The following ZNF322 variants were observed in gnomAD, a reference collection of about 807,000 sequenced individuals.
ZNF322 encodes the protein HLA complex group 12.
ZNF322 carries 1 observed loss-of-function variant against 18.3 expected under a neutral mutation model. The ratio of observed to expected loss-of-function variants is 0.05; its 90% CI spans 0.02 to 0.26. The LOEUF is 0.26. Ranked by LOEUF, ZNF322 falls within the 10% of genes least tolerant of loss-of-function variation. ZNF322 has a pLI of 1.00. For synonymous variants in ZNF322, 17 were observed against 130.7 expected, an observed-to-expected ratio of 0.13 and a Z score of 5.93; for missense variants, 36 against 403.6, an observed-to-expected ratio of 0.09 and a Z score of 7.80.
chr6:26,643,812 G>C (rs932062629), intron 2 of ZNF322, 84 bp from the exon 3 acceptor site: 1 of 152,380 alleles, frequency 6.6e-6, no homozygotes, highest in African/African-American at 2.4e-5. Flanking sequence ...ATTTAACAAT[G>C]GGTAAACTAC....
At chr6:26,657,573 C>T (rs1229882021) in intron 2 of ZNF322, among the ~76,000 whole-genome samples, 1 of 152,160 alleles carries the variant, frequency 6.6e-6, no homozygotes, top group African/African-American at 2.4e-5. Context: ...CACCATTCAA[C>T]TTTATGGTAT....
chr6:26,655,652 A>G (rs905578382), intron 2 of ZNF322, among the ~76,000 whole-genome samples: 2 of 152,186 alleles, frequency 1.3e-5, no homozygotes, highest in Non-Finnish European at 2.9e-5. Flanking sequence ...TGCATTGGAA[A>G]CTTCATCCCC....
chr6:26,650,466 T>C (rs1765648335), intron 2 of ZNF322: 1 of 152,128 alleles, frequency 6.6e-6, no homozygotes, highest in Non-Finnish European at 1.5e-5. Context: ...GAAAAGGAAA[T>C]AAAAGGTATA....
chr6:26,649,675 GTATA>G (rs71544293), intron 2 of ZNF322, among the ~76,000 whole-genome samples: 3 of 22,954 alleles, frequency 1.3e-4, no homozygotes, highest in African/African-American at 6.5e-4. Flanking sequence ...GTGTGTGTGT[GTATA>G]TATATATATA....
intron 2 of ZNF322, among the ~76,000 whole-genome samples, chr6:26,655,815 C>G (rs1561926908): frequency 6.6e-6 from 1 of 152,202 alleles, no homozygotes; most frequent in Non-Finnish European, 1.5e-5. Flanking sequence ...CTCTCACCCT[C>G]TCTTTGCCCT....
intron 3 of ZNF322, among the ~76,000 whole-genome samples, chr6:26,643,171 T>G (rs1765495461): frequency 6.6e-6 from 1 of 152,244 alleles, no homozygotes; most frequent in Non-Finnish European, 1.5e-5. Flanking sequence ...TTAGGGCCTT[T>G]GCCCTTTCTT....
At chr6:26,649,695 A>T (rs1389336326) in intron 2 of ZNF322, among the ~76,000 whole-genome samples, 572 of 51,828 alleles carry the variant, frequency 0.011, 121 homozygotes, top group Middle Eastern at 0.031. Context: ...ATATATATAT[A>T]TATATATTTT....
chr6:26,656,435 A>C (rs782453768), intron 2 of ZNF322, among the ~76,000 whole-genome samples: 25 of 152,198 alleles, frequency 1.6e-4, no homozygotes, highest in Non-Finnish European at 3.1e-4. Context: ...AACCACTAAC[A>C]TGTATTAAGC....
At chr6:26,645,473 G>T (rs7449615) in intron 2 of ZNF322, among the ~76,000 whole-genome samples, 3 of 147,328 alleles carry the variant, frequency 2.0e-5, no homozygotes, top group African/African-American at 7.5e-5. Context: ...AGTATGTATA[G>T]AAAAAAAAAA....
intron 2 of ZNF322, among the ~76,000 whole-genome samples, chr6:26,653,811 A>C (rs1554149454): frequency 6.6e-6 from 1 of 152,180 alleles, no homozygotes; most frequent in Non-Finnish European, 1.5e-5. Context: ...ATATGAATAC[A>C]CAGCACACAT....
intron 2 of ZNF322, among the ~76,000 whole-genome samples, chr6:26,655,084 A>G (rs1765744573): frequency 6.6e-6 from 1 of 152,188 alleles, no homozygotes; most frequent in African/African-American, 2.4e-5. Context: ...CTACCAAATA[A>G]ATGGCCTAAA....
At chr6:26,653,026 A>T (rs889334854) in intron 2 of ZNF322, among the ~76,000 whole-genome samples, 1 of 152,226 alleles carries the variant, frequency 6.6e-6, no homozygotes, top group East Asian at 1.9e-4. Flanking sequence ...ACCAGTTCTC[A>T]CCAATTAAAT....
chr6:26,651,262 A>AG (rs1765663956), intron 2 of ZNF322: 1 of 151,998 alleles, frequency 6.6e-6, no homozygotes, highest in Non-Finnish European at 1.5e-5. Flanking sequence ...AAAAAAAAAA[A>AG]AGAATAAAAT....
chr6:26,652,330 C>G (rs1290362972), intron 2 of ZNF322, among the ~76,000 whole-genome samples: 1 of 152,102 alleles, frequency 6.6e-6, no homozygotes, highest in African/African-American at 2.4e-5. Flanking sequence ...TTAAAAATCT[C>G]CAAAATATAC....
At chr6:26,648,416 C>A (rs1352166943) in intron 2 of ZNF322, among the ~76,000 whole-genome samples, 1 of 152,140 alleles carries the variant, frequency 6.6e-6, no homozygotes, top group Admixed American at 6.5e-5. Flanking sequence ...ATGGCCAATA[C>A]TTCTCTTTTC....
chr6:26,650,858 T>C (rs1203392985), intron 2 of ZNF322, among the ~76,000 whole-genome samples: 3 of 152,222 alleles, frequency 2.0e-5, no homozygotes, highest in Non-Finnish European at 4.4e-5. Flanking sequence ...TAGTCAGTTC[T>C]TCCCAACTTG....
intron 2 of ZNF322, among the ~76,000 whole-genome samples, chr6:26,648,787 A>T (rs927110071): frequency 6.6e-6 from 1 of 152,230 alleles, no homozygotes; most frequent in Non-Finnish European, 1.5e-5. Context: ...CCAAAAATAG[A>T]CTCGAATAAA....
intron 2 of ZNF322, 90 bp from the exon 3 acceptor site, chr6:26,643,818 A>G (rs1554148497): frequency 6.6e-6 from 1 of 152,356 alleles, no homozygotes; most frequent in Non-Finnish European, 1.5e-5. Flanking sequence ...CAATGGGTAA[A>G]CTACAGTTAA....
intron 3 of ZNF322, among the ~76,000 whole-genome samples, chr6:26,642,789 T>C (rs146503956): frequency 3.5e-4 from 53 of 152,250 alleles, no homozygotes; most frequent in African/African-American, 1.2e-3. Context: ...GGGGCTGGAT[T>C]CCAGATCTAC....
Sources: allele counts gnomAD v4.1 joint callset (sites outside exome capture counted in the v4.1 genomes callset), GRCh38; gene constraint gnomAD v4.1.1; transcripts MANE v1.5; gene names NCBI Gene and HGNC (gene_info 2026-07-23, HGNC 2026-07-21).